TRPC6: variants seen among roughly 807,000 people sequenced by gnomAD.
TRPC6 encodes short transient receptor potential channel 6.
Under a neutral mutation model 90.7 loss-of-function variants are expected in TRPC6, and 55 were observed. That is an observed-to-expected ratio of 0.61 (90% CI 0.49 to 0.76). The LOEUF (loss-of-function observed/expected upper bound fraction) is 0.76. TRPC6 is among the 30% of genes least tolerant of loss of function. TRPC6 has a pLI of 0.00. For missense variants in TRPC6, 989 were observed against 1,122.7 expected, an observed-to-expected ratio of 0.88 and a Z score of 1.70; for synonymous variants, 393 against 393.0, an observed-to-expected ratio of 1.00 and a Z score of 0.00.
At chr11:101,489,994 T>C (rs919330045) in intron 3 of TRPC6, among the ~76,000 whole-genome samples, 1 of 152,174 alleles carries the variant, frequency 6.6e-6, no homozygotes, top group African/African-American at 2.4e-5. Flanking sequence ...TTGGTGTGTA[T>C]GGAAACTGGT....
chr11:101,452,119 C>G lies in TRPC6; in HGVS notation c.*836G>C, dbSNP rs2136633102. The stretch of plus-strand genomic sequence containing the variant: ...TTGTGCTATAATGGAACCAAACAAC[C>G]ACAGTGTTTGTTTGGGGTTTTGATT... On this transcript the variant is annotated 3_prime_UTR_variant, in exon 13 of 13. Coordinates refer to ENST00000344327, the MANE Select transcript of TRPC6 (RefSeq NM_004621.6). The G allele has an allele frequency of 6.6e-6, 1 of 152,214 alleles. No homozygotes were observed. The highest frequency in any genetic ancestry group is 2.1e-4 in the South Asian group (1 of 4,822). 9.4% of individuals were successfully genotyped at this position (152,214 alleles called of 1,614,324 possible). A position where few individuals can be genotyped will look rare whatever the true frequency, so the allele number is the denominator to read the frequency against.
chr11:101,529,222 C>A (rs939252366), intron 1 of TRPC6, among the ~76,000 whole-genome samples: 5 of 152,102 alleles, frequency 3.3e-5, no homozygotes, highest in African/African-American at 9.7e-5. Flanking sequence ...GTTCACTGCC[C>A]AATATCTGCT....
At chr11:101,573,991 G>C (rs72976319) in intron 1 of TRPC6, among the ~76,000 whole-genome samples, 36,031 of 148,330 alleles carry the variant, frequency 0.24, 5,902 homozygotes, top group Non-Finnish European at 0.34. Context: ...TGGAGAGTAC[G>C]TAAGGAACAG....
At chr11:101,563,057 C>A (rs1383774355) in intron 1 of TRPC6, among the ~76,000 whole-genome samples, 2 of 152,112 alleles carry the variant, frequency 1.3e-5, no homozygotes, top group Non-Finnish European at 2.9e-5. Context: ...TATATGGTAA[C>A]CTCTAGCCAT....
intron 1 of TRPC6, among the ~76,000 whole-genome samples, chr11:101,530,643 T>G (rs1860890234): frequency 6.6e-6 from 1 of 151,404 alleles, no homozygotes; most frequent in African/African-American, 2.5e-5. Flanking sequence ...AAGTGGACCC[T>G]TGTACCAGTA....
Position 101,473,489 on chromosome 11 carries a change from A to T in TRPC6, c.2009+20T>A. ...ATTTAATTTGCAATAACTATCATCA[A>T]AATATCTGAGATCACATACGTTGTG... On this transcript the variant is annotated intron_variant, in intron 7 of 12. Transcript: ENST00000344327. 6.2e-7 allele frequency: 1 copy of T among 1,612,266 alleles called. No individual in the cohort carries two copies. Among genetic ancestry groups the T allele is most frequent in the South Asian group, 1.1e-5 (1 of 91,020 alleles).
In TRPC6 at chr11:101,489,643, T is replaced by G. The variant is rs569561926; in HGVS notation, c.1129-542A>C. On this transcript the variant is annotated intron_variant, in intron 3 of 12. Transcript: ENST00000344327. ...AAGACTTTAATTTTCAATATTTTTT[T>G]TTTTTGAGGGAATCTTTAAGTTTTC... 5.6e-3 allele frequency among the ~76,000 whole-genome samples: 848 copies of G among 152,144 alleles called. 17 individuals are homozygous for G. The highest frequency in any genetic ancestry group is 0.019 in the African/African-American group (806 of 41,554).
At chr11:101,505,176 T>C (rs573314464) in intron 1 of TRPC6, among the ~76,000 whole-genome samples, 2 of 152,340 alleles carry the variant, frequency 1.3e-5, no homozygotes, top group South Asian at 4.1e-4. Context: ...GACTACATTT[T>C]AAGAAGTAGA....
chr11:101,503,308 T>C (rs1268773199), intron 2 of TRPC6, among the ~76,000 whole-genome samples: 2 of 152,200 alleles, frequency 1.3e-5, no homozygotes, highest in Non-Finnish European at 2.9e-5. Context: ...TACTATTTCA[T>C]ATCTATCATG....
In TRPC6 at chr11:101,453,651, T is replaced by G. The variant is rs1323253296; in HGVS notation, c.2643A>C (p.Glu881Asp). Residue 881 changes from glutamate to aspartate, a missense_variant and splice_region_variant, in exon 12 of 13, where the codon GAA (glutamate) becomes GAC (aspartate). By Grantham distance (45) the Glu-to-Asp change is conservative. This residue lies in a region of TRPC6 where 191 missense variants were observed against 196.7 expected (regional missense o/e 0.97). Coordinates refer to ENST00000344327, the MANE Select transcript of TRPC6 (RefSeq NM_004621.6). ...QIDKESDEVN[E>D]GELKEIKQDI... ...GATTTGCTTCTGCGTTCAACTCACC[T>G]TCGTTCACTTCATCACTCTCCTTAT... The G allele has an allele frequency of 6.2e-7, 1 of 1,613,806 alleles. No homozygotes were observed. Among genetic ancestry groups the G allele is most frequent in the African/African-American group, 1.3e-5 (1 of 74,932 alleles).
intron 2 of TRPC6, among the ~76,000 whole-genome samples, chr11:101,493,301 C>G (rs1347802711): frequency 2.0e-5 from 3 of 152,116 alleles, no homozygotes; most frequent in African/African-American, 7.2e-5. Context: ...AGAAAATTTA[C>G]AAATTTGTGT....
intron 8 of TRPC6, 121 bp downstream of exon 8, chr11:101,472,016 A>G (rs574123010): frequency 9.7e-7 from 1 of 1,034,200 alleles, no homozygotes; most frequent in South Asian, 1.4e-5. Flanking sequence ...AAACGAGTGT[A>G]TAAAACAGGG....
At chr11:101,570,859 T>G (rs11224867) in intron 1 of TRPC6, among the ~76,000 whole-genome samples, 57,412 of 151,926 alleles carry the variant, frequency 0.38, 11,521 homozygotes, top group Non-Finnish European at 0.46. Flanking sequence ...AGGCATTGAT[T>G]GAATGTATCT....
intron 1 of TRPC6, among the ~76,000 whole-genome samples, chr11:101,553,813 C>CA: frequency 6.6e-6 from 1 of 152,182 alleles, no homozygotes; most frequent in East Asian, 1.9e-4. Flanking sequence ...ATTCTCTCCA[C>CA]AAAAAGATTC....
At chr11:101,536,711 T>G (rs1490296255) in intron 1 of TRPC6, among the ~76,000 whole-genome samples, 1 of 152,168 alleles carries the variant, frequency 6.6e-6, no homozygotes, top group African/African-American at 2.4e-5. Flanking sequence ...ATGATGCCTC[T>G]CTGGGCTCAG....
intron 1 of TRPC6, among the ~76,000 whole-genome samples, chr11:101,524,738 A>T (rs776207948): frequency 1.3e-5 from 2 of 152,224 alleles, no homozygotes; most frequent in African/African-American, 4.8e-5. Flanking sequence ...TGATACATAG[A>T]CTTCATTTAA....
intron 1 of TRPC6, among the ~76,000 whole-genome samples, chr11:101,522,748 G>A (rs555415816): frequency 4.6e-5 from 7 of 152,100 alleles, no homozygotes; most frequent in Non-Finnish European, 1.0e-4. Flanking sequence ...CACCTGTTAG[G>A]TTCTCAGCAC....
At chr11:101,487,150 T>C (rs34546081) in intron 4 of TRPC6, among the ~76,000 whole-genome samples, 53,591 of 151,948 alleles carry the variant, frequency 0.35, 10,781 homozygotes, top group African/African-American at 0.55. Context: ...CCAGACACTC[T>C]GGAATACATT....
At position 101,454,276 on chromosome 11, in the gene TRPC6, G is replaced by A. The variant is rs541851833; in HGVS notation, c.2569-551C>T. Among the ~76,000 whole-genome samples the A allele has an allele frequency of 1.1e-4, 17 of 152,212 alleles. No individual in the cohort carries two copies. In the South Asian group the frequency reaches 2.7e-3, roughly 24 times the overall value. Reference sequence around the variant, plus strand: ...ATAAAAAGAAGGAGTCTTAGTGGGTGCTCAGAAAGTCTTGATGGATATAGA... The same window carrying A: ...ATAAAAAGAAGGAGTCTTAGTGGGTACTCAGAAAGTCTTGATGGATATAGA... On this transcript the variant is annotated intron_variant, in intron 11 of 12. Transcript: ENST00000344327.
Sources: allele counts gnomAD v4.1 joint callset (sites outside exome capture counted in the v4.1 genomes callset), GRCh38; gene constraint gnomAD v4.1.1; regional missense constraint gnomAD v4.1.1; transcripts MANE v1.5; gene names NCBI Gene and HGNC (gene_info 2026-07-23, HGNC 2026-07-21).